The following OXCT1 variants were observed in gnomAD, a reference collection of about 807,000 sequenced individuals.
OXCT1 encodes the protein 3-oxoacid CoA-transferase 1, also known as succinyl-CoA:3-ketoacid coenzyme A transferase 1, mitochondrial.
OXCT1 carries 27 observed loss-of-function variants against 69.6 expected under a neutral mutation model. That is an observed-to-expected ratio of 0.39 (90% CI 0.29 to 0.54). OXCT1 has a LOEUF of 0.54. OXCT1 is among the 20% of genes least tolerant of loss of function. The probability of loss-of-function intolerance (pLI) is 0.72; values close to 1 mark genes in which losing one functional copy is unlikely to be tolerated. For synonymous variants in OXCT1, 202 were observed against 217.8 expected (o/e 0.93, Z 0.64); for missense variants, 437 against 650.2 (o/e 0.67, Z 3.57).
intron 7 of OXCT1, among the ~76,000 whole-genome samples, chr5:41,837,288 G>A (rs1355247959): frequency 6.7e-6 from 1 of 150,042 alleles, no homozygotes; most frequent in Non-Finnish European, 1.5e-5. Flanking sequence ...GATGAGCTAA[G>A]AGTTCTTTAT....
intron 3 of OXCT1, among the ~76,000 whole-genome samples, chr5:41,857,946 G>C (rs908774085): frequency 2.6e-5 from 4 of 152,192 alleles, no homozygotes; most frequent in Admixed American, 2.0e-4. Context: ...AGTAAAGCCA[G>C]AATATAGTTG....
At chr5:41,850,200 C>A (rs773636298) in intron 4 of OXCT1, 21 bp from the exon 5 acceptor site, 2 of 1,612,706 alleles carry the variant, frequency 1.2e-6, no homozygotes, top group African/African-American at 1.3e-5. Flanking sequence ...GCAACCAACA[C>A]CCCATAAGTT....
At chr5:41,734,702 T>C (rs1056168083) in intron 16 of OXCT1, among the ~76,000 whole-genome samples, 5 of 152,184 alleles carry the variant, frequency 3.3e-5, no homozygotes, top group Admixed American at 2.6e-4. Flanking sequence ...TGTGAAAATG[T>C]TGGGCCCTAG....
intron 15 of OXCT1, among the ~76,000 whole-genome samples, chr5:41,745,435 C>T (rs1273812250): frequency 6.6e-6 from 1 of 152,038 alleles, no homozygotes; most frequent in Non-Finnish European, 1.5e-5. Flanking sequence ...ACTAAATGCC[C>T]ACAAGAGAAA....
Position 41,750,293 on chromosome 5 carries a change from TAAG to T in OXCT1, c.1339-689_1339-687del, listed in dbSNP as rs562412945. On this transcript the variant is annotated intron_variant, in intron 14 of 16. Coordinates refer to ENST00000196371, the MANE Select transcript of OXCT1 (RefSeq NM_000436.4). ...TTTCCTATTGTGGCAGAGGAAGACT[TAAG>T]AAAAACTAAAAGTGGAAAAAATGTT... 1.7e-3 allele frequency among the ~76,000 whole-genome samples: 259 copies of T among 152,110 alleles called. 1 individual carries two copies. The highest frequency in any genetic ancestry group is 6.0e-3 in the African/African-American group (249 of 41,538).
Position 41,782,952 on chromosome 5 carries a change from C to T in OXCT1, c.1248+11051G>A, listed in dbSNP as rs544680640. 7.8e-4 allele frequency among the ~76,000 whole-genome samples: 119 copies of T among 152,222 alleles called. 2 individuals carry two copies. The Middle Eastern group carries it at 0.01, about 13-fold the overall frequency. ...GTTTTCTGCAATTAACATTAGGGTG[C>T]TTATAGCTGAATGATATTAAAGAAT... is the stretch of plus-strand genomic sequence containing the variant. On this transcript the variant is annotated intron_variant, in intron 13 of 16. Transcript: ENST00000196371.
rs139228223 is a variant in OXCT1, at chr5:41,842,887, A to C, written c.565-106T>G. On this transcript the variant is annotated intron_variant, in intron 5 of 16. Coordinates refer to ENST00000196371, the MANE Select transcript of OXCT1 (RefSeq NM_000436.4). ...TAAGGATACAAGCCTACTGAGGGAA[A>C]ATTTCTCAGAGGGAAAAGCATCCCA... 1,690 of 822,124 alleles carry C rather than the reference A, an allele frequency of 2.1e-3. 7 individuals are homozygous for C. The highest frequency in any genetic ancestry group is 0.013 in the African/African-American group (771 of 60,112). The allele number at this position is 822,124 out of a possible 1,614,324, so 50.9% of individuals were successfully genotyped here. A position where few individuals can be genotyped will look rare whatever the true frequency, so the allele number is the denominator to read the frequency against.
intron 15 of OXCT1, among the ~76,000 whole-genome samples, chr5:41,742,877 A>G (rs962355457): frequency 3.9e-5 from 6 of 152,170 alleles, no homozygotes; most frequent in African/African-American, 1.4e-4. Flanking sequence ...CCAGTCTATC[A>G]TTGATGGGCA....
At position 41,785,248 on chromosome 5, in the gene OXCT1, G is replaced by C. The variant is rs181861605; in HGVS notation, c.1248+8755C>G. The stretch of plus-strand genomic sequence containing the variant: ...AGGAAGTAAAGGTCCATCCCAATGG[G>C]TCAGTATTTTTATTCCCTGTTAGGA... On this transcript the variant is annotated intron_variant, in intron 13 of 16. Transcript: ENST00000196371. Among the ~76,000 whole-genome samples the C allele has an allele frequency of 1.2e-3, 180 of 152,268 alleles. 1 individual carries two copies. The highest frequency in any genetic ancestry group is 1.3e-3 in the Non-Finnish European group (86 of 68,018).
At chr5:41,769,820 G>A (rs867864519) in intron 13 of OXCT1, among the ~76,000 whole-genome samples, 2 of 152,158 alleles carry the variant, frequency 1.3e-5, no homozygotes, top group African/African-American at 4.8e-5. Flanking sequence ...TGTTGCCCAG[G>A]TTGGGGTACA....
At chr5:41,790,605 T>C (rs1745870760) in intron 13 of OXCT1, among the ~76,000 whole-genome samples, 1 of 152,212 alleles carries the variant, frequency 6.6e-6, no homozygotes, top group South Asian at 2.1e-4. Context: ...GTCATGATGC[T>C]GAGAACTCAT....
At chr5:41,851,817 C>A (rs1749187927) in intron 4 of OXCT1, among the ~76,000 whole-genome samples, 1 of 152,142 alleles carries the variant, frequency 6.6e-6, no homozygotes, top group African/African-American at 2.4e-5. Flanking sequence ...TTCAATAGTT[C>A]CACAACCCAA....
chr5:41,759,393 T>C (rs1021437976), intron 14 of OXCT1, among the ~76,000 whole-genome samples: 1 of 152,110 alleles, frequency 6.6e-6, no homozygotes, highest in African/African-American at 2.4e-5. Flanking sequence ...AGATAAGATA[T>C]ACCTAGAAAT....
intron 13 of OXCT1, among the ~76,000 whole-genome samples, chr5:41,787,192 AGG>A (rs1745679073): frequency 6.6e-6 from 1 of 152,222 alleles, no homozygotes; most frequent in South Asian, 2.1e-4. Flanking sequence ...TTCTATTTCT[AGG>A]GATTTGTACT....
chr5:41,857,331 G>T (rs935375595), intron 3 of OXCT1, among the ~76,000 whole-genome samples: 1 of 152,156 alleles, frequency 6.6e-6, no homozygotes, highest in South Asian at 2.1e-4. Flanking sequence ...GGCCTGCAAG[G>T]TCCCATGTGA....
intron 13 of OXCT1, among the ~76,000 whole-genome samples, chr5:41,775,226 A>G (rs1745065450): frequency 6.6e-6 from 1 of 152,084 alleles, no homozygotes; most frequent in African/African-American, 2.4e-5. Flanking sequence ...ATTCAGTCTT[A>G]CAAAACTGCT....
At chr5:41,734,237 G>A (rs966338424) in intron 16 of OXCT1, among the ~76,000 whole-genome samples, 4 of 152,164 alleles carry the variant, frequency 2.6e-5, no homozygotes, top group Admixed American at 2.0e-4. Flanking sequence ...CATACATTGG[G>A]TGTATGACTA....
intron 6 of OXCT1, 96 bp downstream of exon 6, chr5:41,842,579 C>A: frequency 1.1e-6 from 1 of 884,084 alleles, no homozygotes; most frequent in East Asian, 2.4e-5. Flanking sequence ...TGATTTTGGG[C>A]CATTACGAAA....
chr5:41,757,394 C>A (rs1408472138), intron 14 of OXCT1, among the ~76,000 whole-genome samples: 1 of 152,002 alleles, frequency 6.6e-6, no homozygotes, highest in Non-Finnish European at 1.5e-5. Flanking sequence ...AACAATGGAA[C>A]TGGGAATGAG....
Sources: allele counts gnomAD v4.1 joint callset (sites outside exome capture counted in the v4.1 genomes callset), GRCh38; gene constraint gnomAD v4.1.1; transcripts MANE v1.5; gene names NCBI Gene and HGNC (gene_info 2026-07-23, HGNC 2026-07-21).